ADGRL3: variants seen among roughly 807,000 people sequenced by gnomAD.
ADGRL3 encodes adhesion G protein-coupled receptor L3.
ADGRL3 carries 62 observed loss-of-function variants against 153.5 expected under a neutral mutation model. The ratio of observed to expected loss-of-function variants is 0.40; its 90% CI spans 0.33 to 0.50. ADGRL3 has a LOEUF of 0.50. Ranked by LOEUF, ADGRL3 falls within the 20% of genes least tolerant of loss-of-function variation. The pLI is 0.47. For missense variants in ADGRL3, 1,641 were observed against 1,859.4 expected (o/e 0.88, Z 2.16); for synonymous variants, 710 against 672.5 (o/e 1.06, Z -0.86).
chr4:61,481,566 G>A (rs1424254407), intron 2 of ADGRL3, among the ~76,000 whole-genome samples: 1 of 151,418 alleles, frequency 6.6e-6, no homozygotes, highest in Non-Finnish European at 1.5e-5. Flanking sequence ...TTAATCCATG[G>A]AAACCTTAAT....
chr4:61,350,294 A>T (rs1402924749), intron 1 of ADGRL3, among the ~76,000 whole-genome samples: 1 of 150,576 alleles, frequency 6.6e-6, no homozygotes, highest in Non-Finnish European at 1.5e-5. Flanking sequence ...TGAAATAGAG[A>T]GTATAATTTT....
chr4:61,782,158 C>A (rs1336735945), intron 8 of ADGRL3, among the ~76,000 whole-genome samples: 1 of 152,092 alleles, frequency 6.6e-6, no homozygotes, highest in African/African-American at 2.4e-5. Context: ...GACAGAGATG[C>A]AACATTGATT....
chr4:61,649,002 T>C (rs2094148591), intron 5 of ADGRL3, among the ~76,000 whole-genome samples: 1 of 152,138 alleles, frequency 6.6e-6, no homozygotes, highest in East Asian at 1.9e-4. Context: ...AAATTATGTT[T>C]CCCAGCAACC....
chr4:61,992,879 AT>A, intron 19 of ADGRL3, among the ~76,000 whole-genome samples: 1 of 152,302 alleles, frequency 6.6e-6, no homozygotes, highest in East Asian at 1.9e-4. Flanking sequence ...TTAACAAAAC[AT>A]TTGGTGAGAT....
At chr4:61,709,990 T>C (rs1036954190) in intron 6 of ADGRL3, among the ~76,000 whole-genome samples, 1 of 152,154 alleles carries the variant, frequency 6.6e-6, no homozygotes, top group Non-Finnish European at 1.5e-5. Context: ...AAGCATATAT[T>C]ATTATTATAG....
intron 6 of ADGRL3, among the ~76,000 whole-genome samples, chr4:61,697,963 G>A (rs1023257203): frequency 1.3e-5 from 2 of 152,072 alleles, no homozygotes; most frequent in Non-Finnish European, 2.9e-5. Flanking sequence ...CTCAAGCTAT[G>A]GGAAAATACT....
chr4:61,363,125 TGTGATGCTAAGATGGCA>T (rs2151530246), intron 1 of ADGRL3, among the ~76,000 whole-genome samples: 1 of 152,306 alleles, frequency 6.6e-6, no homozygotes, highest in South Asian at 2.1e-4. Flanking sequence ...TTGAATAGAC[TGTGATGCTAAGATGGCA>T]GTTTCTCTAT....
chr4:61,866,630 A>G (rs2098401862), intron 9 of ADGRL3, among the ~76,000 whole-genome samples: 2 of 152,150 alleles, frequency 1.3e-5, no homozygotes, highest in African/African-American at 4.8e-5. Flanking sequence ...AAACACTCAG[A>G]TTTGAAAATG....
chr4:61,454,010 G>T (rs912865183), intron 2 of ADGRL3, among the ~76,000 whole-genome samples: 69 of 152,098 alleles, frequency 4.5e-4, no homozygotes, highest in African/African-American at 1.6e-3. Context: ...GTTGTTCATT[G>T]TAATTGAATT....
intron 5 of ADGRL3, among the ~76,000 whole-genome samples, chr4:61,664,365 T>C (rs2094709520): frequency 6.6e-6 from 1 of 152,142 alleles, no homozygotes; most frequent in Non-Finnish European, 1.5e-5. Flanking sequence ...TTTGGAATAA[T>C]CAAGAAATAA....
At chr4:61,788,419 A>G (rs2152420940) in intron 8 of ADGRL3, among the ~76,000 whole-genome samples, 1 of 152,216 alleles carries the variant, frequency 6.6e-6, no homozygotes, top group Admixed American at 6.5e-5. Context: ...GGGTGGCTAG[A>G]CCCAGAAGAG....
chr4:61,649,935 G>A (rs989328604), intron 5 of ADGRL3, among the ~76,000 whole-genome samples: 2 of 152,224 alleles, frequency 1.3e-5, no homozygotes, highest in South Asian at 2.1e-4. Flanking sequence ...TTTTGTTCCA[G>A]TAGAAGTGAC....
At chr4:61,749,471 A>T (rs951995812) in intron 8 of ADGRL3, among the ~76,000 whole-genome samples, 8 of 152,226 alleles carry the variant, frequency 5.3e-5, no homozygotes, top group Non-Finnish European at 7.3e-5. Flanking sequence ...AATATCCAAC[A>T]ATGATAGACT....
intron 6 of ADGRL3, among the ~76,000 whole-genome samples, chr4:61,711,174 A>G (rs924189559): frequency 7.2e-5 from 11 of 152,038 alleles, no homozygotes; most frequent in Non-Finnish European, 2.9e-5. Flanking sequence ...TTCTTCTTAT[A>G]TCAGGGATTG....
At position 62,074,454 on chromosome 4, in the gene ADGRL3, T is replaced by A. The variant is rs959475534; in HGVS notation, c.*3546T>A. The A allele has an allele frequency of 2.0e-5, 3 of 152,120 alleles. No homozygotes were observed. The Admixed American group carries it at 2.0e-4, about 10-fold the overall frequency. 9.4% of individuals were successfully genotyped at this position (152,120 alleles called of 1,614,324 possible). A position where few individuals can be genotyped will look rare whatever the true frequency, so the allele number is the denominator to read the frequency against. Reference sequence around the variant, plus strand: ...TGGATTGTTGCACAGCCTCTGCTCCTAACTGATAAATATTTGCGGCAAAGT... The same window carrying A: ...TGGATTGTTGCACAGCCTCTGCTCCAAACTGATAAATATTTGCGGCAAAGT... On this transcript the variant is annotated 3_prime_UTR_variant, in exon 27 of 27. Transcript: ENST00000683033.
chr4:61,880,916 C>T (rs557887428), intron 9 of ADGRL3, among the ~76,000 whole-genome samples: 3 of 152,272 alleles, frequency 2.0e-5, no homozygotes, highest in Admixed American at 1.3e-4. Flanking sequence ...AAGAGTCAAG[C>T]TTTAACTCTA....
At chr4:61,454,155 G>A (rs996252543) in intron 2 of ADGRL3, among the ~76,000 whole-genome samples, 7 of 151,976 alleles carry the variant, frequency 4.6e-5, no homozygotes, top group African/African-American at 1.7e-4. Flanking sequence ...AGCTCTCATG[G>A]TTGCCTACCC....
chr4:61,234,440 T>A (rs1752020679), intron 1 of ADGRL3, among the ~76,000 whole-genome samples: 1 of 152,102 alleles, frequency 6.6e-6, no homozygotes, highest in Non-Finnish European at 1.5e-5. Context: ...GGAATTCTGG[T>A]AGATACAATT....
At chr4:61,939,128 G>A (rs1282426191) in intron 15 of ADGRL3, among the ~76,000 whole-genome samples, 1 of 151,990 alleles carries the variant, frequency 6.6e-6, no homozygotes, top group African/African-American at 2.4e-5. Context: ...GAAAAAATAA[G>A]GTGGAAAGAC....
Sources: gnomAD v4.1 joint callset for allele counts (sites outside exome capture counted in the v4.1 genomes callset) on GRCh38, gnomAD v4.1.1 for gene constraint, MANE v1.5 for transcripts, NCBI Gene and HGNC (gene_info 2026-07-23, HGNC 2026-07-21) for gene names.